Variants in CNTNAP2 observed in about 807,000 individuals in gnomAD.
The protein encoded by CNTNAP2 is contactin-associated protein-like 2.
Under a neutral mutation model 155.2 loss-of-function variants are expected in CNTNAP2, and 98 were observed. The ratio of observed to expected loss-of-function variants is 0.63; its 90% CI spans 0.54 to 0.75. The LOEUF (loss-of-function observed/expected upper bound fraction) is 0.75, where lower values mean the gene tolerates loss of function less well. CNTNAP2 is among the 30% of genes least tolerant of loss of function. The pLI is 0.00. For synonymous variants in CNTNAP2, 651 were observed against 631.2 expected (o/e 1.03, Z -0.47); for missense variants, 1,727 against 1,688.1 (o/e 1.02, Z -0.40).
chr7:146,645,011 G>A (rs560441332), intron 1 of CNTNAP2, among the ~76,000 whole-genome samples: 148 of 152,152 alleles, frequency 9.7e-4, no homozygotes, highest in African/African-American at 3.4e-3. Context: ...TACCAAAGCC[G>A]GGCAGAGACA....
rs143987039 is a variant in CNTNAP2, at chr7:146,646,322, TTG to T, written c.98-127938_98-127937del. On this transcript the variant is annotated intron_variant, in intron 1 of 23. Coordinates refer to ENST00000361727, the MANE Select transcript of CNTNAP2 (RefSeq NM_014141.6). The stretch of plus-strand genomic sequence containing the variant: ...GAAATATATGTGAATGCTCACTAGT[TTG>T]TGTGTGTGTGCACGTGCACATGTGT... 2.1e-4 allele frequency among the ~76,000 whole-genome samples: 32 copies of T among 152,030 alleles called. 1 individual carries two copies. Among genetic ancestry groups the T allele is most frequent in the South Asian group, 8.3e-4 (4 of 4,818 alleles).
At chr7:148,283,920 A>G (rs78093069) in intron 21 of CNTNAP2, among the ~76,000 whole-genome samples, 2,049 of 152,372 alleles carry the variant, frequency 0.013, 11 homozygotes, top group Non-Finnish European at 0.023. Context: ...GTTGGTTGAT[A>G]AAATGTTATG....
intron 12 of CNTNAP2, among the ~76,000 whole-genome samples, chr7:147,580,033 ATGT>A (rs1383614029): frequency 1.4e-4 from 21 of 152,152 alleles, no homozygotes; most frequent in Non-Finnish European, 2.6e-4. Context: ...TAAAACACAG[ATGT>A]TGTGATTTGA....
intron 1 of CNTNAP2, among the ~76,000 whole-genome samples, chr7:146,328,093 C>T (rs1801125560): frequency 6.6e-6 from 1 of 152,172 alleles, no homozygotes. Flanking sequence ...AGGTGAGCAG[C>T]AGGCAAGTGA....
chr7:146,416,235 A>T (rs1397354405), intron 1 of CNTNAP2, among the ~76,000 whole-genome samples: 3 of 151,030 alleles, frequency 2.0e-5, no homozygotes, highest in African/African-American at 7.3e-5. Context: ...TGTCAACACT[A>T]AATGTTAAAT....
At chr7:146,844,945 A>G (rs764781333) in intron 3 of CNTNAP2, among the ~76,000 whole-genome samples, 6 of 152,302 alleles carry the variant, frequency 3.9e-5, no homozygotes, top group Non-Finnish European at 7.4e-5. Flanking sequence ...TATCATATTT[A>G]AATTATATGG....
chr7:146,734,716 C>T (rs1486978216), intron 1 of CNTNAP2, among the ~76,000 whole-genome samples: 2 of 152,154 alleles, frequency 1.3e-5, no homozygotes, highest in African/African-American at 2.4e-5. Context: ...TGTGATGTTA[C>T]TTGTACTTGA....
chr7:148,163,714 T>A (rs1805594703), intron 17 of CNTNAP2, among the ~76,000 whole-genome samples: 1 of 152,206 alleles, frequency 6.6e-6, no homozygotes, highest in Admixed American at 6.5e-5. Context: ...TCTCTCAGTA[T>A]GTGAAAGCTT....
intron 3 of CNTNAP2, among the ~76,000 whole-genome samples, chr7:146,891,037 T>C (rs1158757749): frequency 2.0e-5 from 3 of 152,174 alleles, no homozygotes; most frequent in African/African-American, 7.2e-5. Context: ...TACATACATA[T>C]ATATCTCATA....
chr7:148,207,896 G>C (rs1795477896), intron 18 of CNTNAP2, among the ~76,000 whole-genome samples: 2 of 151,984 alleles, frequency 1.3e-5, no homozygotes, highest in Admixed American at 1.3e-4. Context: ...AGGAGATCGA[G>C]ACCACGGTGA....
At chr7:147,414,925 G>C (rs1449691918) in intron 10 of CNTNAP2, among the ~76,000 whole-genome samples, 2 of 111,520 alleles carry the variant, frequency 1.8e-5, no homozygotes, top group African/African-American at 3.6e-5. Context: ...CTGGGTGAAA[G>C]AGAGAGACTC....
At chr7:148,021,568 C>T (rs762200243) in intron 15 of CNTNAP2, among the ~76,000 whole-genome samples, 1 of 152,180 alleles carries the variant, frequency 6.6e-6, no homozygotes, top group African/African-American at 2.4e-5. Flanking sequence ...CGGAAGGCCT[C>T]GTGTTCATTC....
rs552332991 is a variant in CNTNAP2 at position 146,378,340 on chromosome 7, T to C, written c.97+261367T>C. On this transcript the variant is annotated intron_variant, in intron 1 of 23. Coordinates refer to ENST00000361727, the MANE Select transcript of CNTNAP2 (RefSeq NM_014141.6). ...GCAGAGCTTCCCAGGTTAATTCTAA[T>C]GTGCCAGCAAAGTTAAGAACCACTG... Among the ~76,000 whole-genome samples, 10 of 152,306 alleles carry C rather than the reference T, an allele frequency of 6.6e-5. No individual in the cohort carries two copies. The South Asian group carries it at 2.1e-3, about 32-fold the overall frequency.
At chr7:146,938,412 C>CAT (rs954383877) in intron 3 of CNTNAP2, among the ~76,000 whole-genome samples, 4 of 149,658 alleles carry the variant, frequency 2.7e-5, no homozygotes, top group Non-Finnish European at 4.4e-5. Context: ...ATTATATATA[C>CAT]ATATATGTGT....
At chr7:148,414,844 C>T (rs1263064347) in intron 23 of CNTNAP2, 8 of 163,486 alleles carry the variant, frequency 4.9e-5, no homozygotes, top group Non-Finnish European at 9.4e-5. Flanking sequence ...ATCTCCCAGC[C>T]CTCCGTGAGC....
intron 1 of CNTNAP2, among the ~76,000 whole-genome samples, chr7:146,242,825 AT>A (rs1315376342): frequency 2.0e-5 from 3 of 152,188 alleles, no homozygotes; most frequent in African/African-American, 7.2e-5. Flanking sequence ...TCTTAACTAC[AT>A]TATAGAATGA....
chr7:147,050,455 G>T (rs1000340111), intron 4 of CNTNAP2, among the ~76,000 whole-genome samples: 14 of 152,106 alleles, frequency 9.2e-5, no homozygotes, highest in African/African-American at 3.4e-4. Flanking sequence ...TTTTAATTTG[G>T]ATGAATAAAT....
At chr7:146,650,794 CTAA>C (rs1799897737) in intron 1 of CNTNAP2, among the ~76,000 whole-genome samples, 1 of 151,998 alleles carries the variant, frequency 6.6e-6, no homozygotes, top group Non-Finnish European at 1.5e-5. Flanking sequence ...TGATATAGTG[CTAA>C]TAATCAGATA....
At chr7:146,674,500 G>GA (rs67446751) in intron 1 of CNTNAP2, among the ~76,000 whole-genome samples, 6 of 149,038 alleles carry the variant, frequency 4.0e-5, no homozygotes, top group African/African-American at 1.2e-4. Flanking sequence ...TCTGGTGGAG[G>GA]AAAAAAAAAA....
Sources: allele counts gnomAD v4.1 joint callset (sites outside exome capture counted in the v4.1 genomes callset), GRCh38; gene constraint gnomAD v4.1.1; transcripts MANE v1.5; gene names NCBI Gene and HGNC (gene_info 2026-07-23, HGNC 2026-07-21).